PRDM16: variants seen among roughly 807,000 people sequenced by gnomAD.
The protein encoded by PRDM16 is histone-lysine N-methyltransferase PRDM16.
Under a neutral mutation model 110.6 loss-of-function variants are expected in PRDM16, and 23 were observed. That is an observed-to-expected ratio of 0.21 (90% CI 0.15 to 0.29). The LOEUF is 0.29. Among genes scored for constraint, PRDM16 ranks in the 10% least tolerant of loss-of-function variants. The pLI is 1.00. For missense variants in PRDM16, 1,615 were observed against 1,794.3 expected (o/e 0.90, Z 1.81); for synonymous variants, 799 against 781.8 (o/e 1.02, Z -0.37).
Position 3,185,065 on chromosome 1 carries a change from G to A in PRDM16, c.38-1060G>A, listed in dbSNP as rs535255368. Among the ~76,000 whole-genome samples the A allele has an allele frequency of 1.2e-4, 19 of 152,286 alleles. No homozygotes were observed. The South Asian group carries it at 3.1e-3, about 25-fold the overall frequency. ...ATTTGGGCTGTTTCTGCCTTCTGGC[G>A]ATGGTGAATCTGCCACTGTGAACAT... On this transcript the variant is annotated intron_variant, in intron 1 of 16. Transcript: ENST00000270722.
chr1:3,426,340 G>T, intron 14 of PRDM16, 115 bp downstream of exon 14: 1 of 782,226 alleles, frequency 1.3e-6, no homozygotes, highest in Non-Finnish European at 2.0e-6. Context: ...CATCCAGATA[G>T]GCGCAGTGGG....
intron 1 of PRDM16, among the ~76,000 whole-genome samples, chr1:3,141,667 G>A (rs10909884): frequency 0.2 from 29,823 of 152,164 alleles, 3,501 homozygotes; most frequent in African/African-American, 0.33. Flanking sequence ...GGCCACAGTG[G>A]CTCGTTAAGG....
chr1:3,220,272 C>T (rs1639122923), intron 2 of PRDM16, among the ~76,000 whole-genome samples: 1 of 152,234 alleles, frequency 6.6e-6, no homozygotes, highest in Non-Finnish European at 1.5e-5. Flanking sequence ...AACCTGTCCC[C>T]AACACCGTGG....
At chr1:3,082,776 G>T (rs961804128) in intron 1 of PRDM16, among the ~76,000 whole-genome samples, 1 of 152,202 alleles carries the variant, frequency 6.6e-6, no homozygotes, top group Non-Finnish European at 1.5e-5. Context: ...AGCTTTGCCC[G>T]CTTTGTGCGG....
chr1:3,139,320 C>A (rs1643500832), intron 1 of PRDM16, among the ~76,000 whole-genome samples: 1 of 152,200 alleles, frequency 6.6e-6, no homozygotes, highest in East Asian at 1.9e-4. Flanking sequence ...GCAGATGAGA[C>A]CCATGGAAAG....
chr1:3,173,046 A>G (rs1052664436), intron 1 of PRDM16, among the ~76,000 whole-genome samples: 5 of 152,134 alleles, frequency 3.3e-5, no homozygotes, highest in East Asian at 1.9e-4. Context: ...CTGGTATTTG[A>G]GGGGTCCAGT....
chr1:3,228,579 A>G (rs999388598), intron 2 of PRDM16, among the ~76,000 whole-genome samples: 6 of 152,180 alleles, frequency 3.9e-5, no homozygotes, highest in Admixed American at 2.0e-4. Context: ...TGAGGGCTGT[A>G]TAGTCTCCCT....
intron 1 of PRDM16, among the ~76,000 whole-genome samples, chr1:3,184,936 C>T (rs914787153): frequency 2.0e-5 from 3 of 152,110 alleles, no homozygotes; most frequent in Admixed American, 6.5e-5. Flanking sequence ...CGGCTTCCTA[C>T]GCCGAGTGCC....
At chr1:3,346,994 C>T (rs1397320871) in intron 3 of PRDM16, among the ~76,000 whole-genome samples, 1 of 152,204 alleles carries the variant, frequency 6.6e-6, no homozygotes, top group East Asian at 1.9e-4. Flanking sequence ...ACCTAATCCT[C>T]TCCAGAAGTG....
intron 2 of PRDM16, among the ~76,000 whole-genome samples, chr1:3,221,136 G>A (rs1487167998): frequency 6.6e-6 from 1 of 152,194 alleles, no homozygotes; most frequent in African/African-American, 2.4e-5. Context: ...GCCTTGGGAC[G>A]TGTGCAACCT....
chr1:3,404,608 A>G lies in PRDM16; in HGVS notation c.885-131A>G, dbSNP rs1244985494. The G allele has an allele frequency of 6.3e-6, 7 of 1,115,068 alleles. No individual in the cohort carries two copies. The East Asian group carries it at 1.3e-4, about 21-fold the overall frequency. 69.1% of individuals were successfully genotyped at this position (1,115,068 alleles called of 1,614,324 possible). A position where few individuals can be genotyped will look rare whatever the true frequency, so the allele number is the denominator to read the frequency against. The stretch of plus-strand genomic sequence containing the variant: ...AGGAGGTGGGCAGGGAGACACCAGC[A>G]TGTGCTCTGATCCCTCGGCAGCGTG... On this transcript the variant is annotated intron_variant, in intron 6 of 16. Transcript: ENST00000270722.
chr1:3,070,136 T>C (rs1240020157), intron 1 of PRDM16, among the ~76,000 whole-genome samples: 1 of 151,846 alleles, frequency 6.6e-6, no homozygotes, highest in East Asian at 1.9e-4. Context: ...TGGACCCCTC[T>C]GTACCCGCTT....
chr1:3,096,001 C>T (rs1642389385), intron 1 of PRDM16, among the ~76,000 whole-genome samples: 1 of 152,080 alleles, frequency 6.6e-6, no homozygotes, highest in Admixed American at 6.5e-5. Flanking sequence ...GCTCAGTGGG[C>T]CCTGGCTGGG....
intron 1 of PRDM16, among the ~76,000 whole-genome samples, chr1:3,171,777 G>A (rs1370075789): frequency 6.6e-6 from 1 of 152,124 alleles, no homozygotes; most frequent in Non-Finnish European, 1.5e-5. Flanking sequence ...GAGCCTCCAG[G>A]AAGAGCCTGA....
intron 3 of PRDM16, chr1:3,307,771 C>T (rs1641347530): frequency 6.6e-6 from 1 of 152,214 alleles, no homozygotes; most frequent in Non-Finnish European, 1.5e-5. Flanking sequence ...CTGCAGGGAT[C>T]CTGGTAGTAG....
At chr1:3,169,724 TCCTGTA>T (rs1644003474) in intron 1 of PRDM16, among the ~76,000 whole-genome samples, 1 of 152,128 alleles carries the variant, frequency 6.6e-6, no homozygotes, top group Non-Finnish European at 1.5e-5. Flanking sequence ...CGTCTCTGGC[TCCTGTA>T]CGCCATCAGG....
chr1:3,122,673 C>G (rs1045169346), intron 1 of PRDM16, among the ~76,000 whole-genome samples: 1 of 152,080 alleles, frequency 6.6e-6, no homozygotes, highest in Admixed American at 6.5e-5. Flanking sequence ...TCCAGACATT[C>G]CCCCCCTCCG....
chr1:3,324,970 C>T (rs889739590), intron 3 of PRDM16, among the ~76,000 whole-genome samples: 9 of 152,130 alleles, frequency 5.9e-5, no homozygotes, highest in African/African-American at 1.4e-4. Flanking sequence ...AGGATGCACG[C>T]GAGGGGCTGA....
chr1:3,323,351 A>T (rs1220294059), intron 3 of PRDM16, among the ~76,000 whole-genome samples: 1 of 152,216 alleles, frequency 6.6e-6, no homozygotes, highest in Non-Finnish European at 1.5e-5. Flanking sequence ...AGCCTGCACC[A>T]CGTGGGGCGG....
Sources: gnomAD v4.1 joint callset for allele counts (sites outside exome capture counted in the v4.1 genomes callset) on GRCh38, gnomAD v4.1.1 for gene constraint, MANE v1.5 for transcripts, NCBI Gene and HGNC (gene_info 2026-07-23, HGNC 2026-07-21) for gene names.